The following SHROOM3 variants were observed in gnomAD, a reference collection of about 807,000 sequenced individuals.
SHROOM3 encodes the protein shroom family member 3.
In SHROOM3, 47 loss-of-function variants were observed where a neutral mutation model predicts 138.6. The ratio of observed to expected loss-of-function variants is 0.34; its 90% CI spans 0.27 to 0.43. SHROOM3 has a LOEUF of 0.43. SHROOM3 is among the 20% of genes least tolerant of loss of function. The pLI, the probability that SHROOM3 is intolerant of heterozygous loss-of-function variation, is 1.00. For missense variants in SHROOM3, 2,491 were observed against 2,596.5 expected (o/e 0.96, Z 0.88); for synonymous variants, 1,062 against 1,063.3 (o/e 1.00, Z 0.02).
intron 2 of SHROOM3, chr4:76,688,770 C>T: frequency 1.0e-6 from 1 of 985,334 alleles, no homozygotes. Context: ...TCCAAAATCT[C>T]TCGAAATTAC....
chr4:76,680,792 G>A (rs547204602), intron 2 of SHROOM3, among the ~76,000 whole-genome samples: 4 of 152,172 alleles, frequency 2.6e-5, no homozygotes, highest in Non-Finnish European at 4.4e-5. Context: ...CTGCAGCCAG[G>A]ACTCAAATTT....
At chr4:76,552,190 A>T (rs1316886208) in intron 1 of SHROOM3, among the ~76,000 whole-genome samples, 4 of 150,354 alleles carry the variant, frequency 2.7e-5, no homozygotes, top group Non-Finnish European at 5.9e-5. Context: ...TTATAAAATA[A>T]AAGCTATTTT....
chr4:76,747,022 G>A (rs1039324249), intron 5 of SHROOM3, among the ~76,000 whole-genome samples: 4 of 151,916 alleles, frequency 2.6e-5, no homozygotes, highest in Non-Finnish European at 5.9e-5. Flanking sequence ...GTTTCACCAC[G>A]TTAGCCAGGA....
At chr4:76,723,231 TG>T (rs1720602052) in intron 3 of SHROOM3, among the ~76,000 whole-genome samples, 1 of 152,214 alleles carries the variant, frequency 6.6e-6, no homozygotes, top group Non-Finnish European at 1.5e-5. Flanking sequence ...GTGAGCTTTT[TG>T]TATCCAAAAT....
intron 2 of SHROOM3, among the ~76,000 whole-genome samples, chr4:76,590,557 C>G (rs73828173): frequency 0.038 from 5,675 of 148,434 alleles, 344 homozygotes; most frequent in African/African-American, 0.13. Context: ...AACCAAAAAA[C>G]TGCTCCACTG....
At chr4:76,539,831 T>C (rs1733061405) in intron 1 of SHROOM3, among the ~76,000 whole-genome samples, 1 of 152,200 alleles carries the variant, frequency 6.6e-6, no homozygotes, top group Non-Finnish European at 1.5e-5. Flanking sequence ...AGAAATCCTT[T>C]TACCAGTTAC....
At chr4:76,731,311 T>G (rs1224184976) in intron 4 of SHROOM3, among the ~76,000 whole-genome samples, 4 of 152,234 alleles carry the variant, frequency 2.6e-5, no homozygotes, top group Non-Finnish European at 4.4e-5. Context: ...TTTATTCCTG[T>G]GTTTGAACTC....
At chr4:76,709,179 T>C (rs1266411894) in intron 2 of SHROOM3, among the ~76,000 whole-genome samples, 4 of 152,240 alleles carry the variant, frequency 2.6e-5, no homozygotes, top group Admixed American at 6.5e-5. Context: ...TTAACAGCTG[T>C]TCAGTAATCC....
chr4:76,529,876 G>A (rs2110015052), intron 1 of SHROOM3, among the ~76,000 whole-genome samples: 1 of 152,288 alleles, frequency 6.6e-6, no homozygotes, highest in East Asian at 1.9e-4. Flanking sequence ...CTTAGTTATG[G>A]CATAAATCCT....
In SHROOM3 at chr4:76,741,970, C is replaced by G. The variant is rs1721272278; in HGVS notation, c.3753+44C>G. 1 of 1,599,810 alleles carries G rather than the reference C, an allele frequency of 6.3e-7. No homozygotes were observed. Among genetic ancestry groups the G allele is most frequent in the Admixed American group, 1.7e-5 (1 of 58,558 alleles). On this transcript the variant is annotated intron_variant, in intron 5 of 10. Coordinates refer to ENST00000296043, the MANE Select transcript of SHROOM3 (RefSeq NM_020859.4). This position sits in a 1 kb window ranked among gnomAD's most constrained non-coding sequence, Gnocchi z 6.2. The stretch of plus-strand genomic sequence containing the variant: ...TCCTGGCCTCGAACTGTCCCTTCCT[C>G]CCTAGAAGCTTTAGTGGGGCTCCCC...
At chr4:76,695,910 C>G (rs960227775) in intron 2 of SHROOM3, among the ~76,000 whole-genome samples, 1 of 152,198 alleles carries the variant, frequency 6.6e-6, no homozygotes, top group Non-Finnish European at 1.5e-5. Context: ...ATGCAGAGAC[C>G]TTTGGAGACA....
At chr4:76,632,340 AT>A (rs1735350213) in intron 2 of SHROOM3, among the ~76,000 whole-genome samples, 1 of 152,218 alleles carries the variant, frequency 6.6e-6, no homozygotes, top group East Asian at 1.9e-4. Context: ...CCTGGGACAT[AT>A]CAACCTCATG....
chr4:76,616,530 A>G (rs1226528980), intron 2 of SHROOM3, among the ~76,000 whole-genome samples: 1 of 152,198 alleles, frequency 6.6e-6, no homozygotes, highest in African/African-American at 2.4e-5. Flanking sequence ...ATGCTATCCC[A>G]TGGATGAAAC....
Position 76,608,347 on chromosome 4 carries a change from G to A in SHROOM3, c.323+52584G>A, listed in dbSNP as rs574014393. ...CTACCATTTTCCCCATTACCTTAGA[G>A]CAGATTCCTTTTACTAATCAACTCA... is the stretch of plus-strand genomic sequence containing the variant. On this transcript the variant is annotated intron_variant, in intron 2 of 10. Transcript: ENST00000296043. Among the ~76,000 whole-genome samples, 12 of 152,240 alleles carry A rather than the reference G, an allele frequency of 7.9e-5. No individual in the cohort carries two copies. In the South Asian group the frequency reaches 2.3e-3, roughly 29 times the overall value.
At chr4:76,552,484 G>A (rs577676042) in intron 1 of SHROOM3, among the ~76,000 whole-genome samples, 49 of 151,044 alleles carry the variant, frequency 3.2e-4, no homozygotes, top group African/African-American at 9.4e-4. Context: ...TCCAGCCTGT[G>A]CACCAGAGCA....
At chr4:76,502,790 A>G (rs1732126748) in intron 1 of SHROOM3, among the ~76,000 whole-genome samples, 1 of 152,202 alleles carries the variant, frequency 6.6e-6, no homozygotes, top group Non-Finnish European at 1.5e-5. Context: ...TGGATCTGCA[A>G]TTCATTTGGA....
At chr4:76,662,308 C>T (rs1349150305) in intron 2 of SHROOM3, among the ~76,000 whole-genome samples, 2 of 152,150 alleles carry the variant, frequency 1.3e-5, no homozygotes, top group Admixed American at 1.3e-4. Flanking sequence ...CTTAATGGCT[C>T]TCACCCAGAG....
At chr4:76,471,463 C>T (rs781515763) in intron 1 of SHROOM3, among the ~76,000 whole-genome samples, 34 of 152,078 alleles carry the variant, frequency 2.2e-4, no homozygotes, top group Non-Finnish European at 4.3e-4. Flanking sequence ...AGGATGGTCT[C>T]GATCTCCTGA....
At chr4:76,764,160 A>G (rs973710193) in intron 9 of SHROOM3, among the ~76,000 whole-genome samples, 1 of 152,230 alleles carries the variant, frequency 6.6e-6, no homozygotes. Context: ...ATCCTAGATG[A>G]TGAATAATAT....
Sources: gnomAD v4.1 joint callset for allele counts (sites outside exome capture counted in the v4.1 genomes callset) on GRCh38, gnomAD v4.1.1 for gene constraint, Gnocchi (gnomAD v3.1) non-coding constraint, MANE v1.5 for transcripts, NCBI Gene and HGNC (gene_info 2026-07-23, HGNC 2026-07-21) for gene names.